NSMCE2: variants seen among roughly 807,000 people sequenced by gnomAD.
The protein encoded by NSMCE2 is NSE2 SUMO ligase component of SMC5/6 complex.
A neutral mutation model predicts 23.8 loss-of-function variants in NSMCE2; 24 were observed. That is an observed-to-expected ratio of 1.01 (90% CI 0.73 to 1.42). The LOEUF (loss-of-function observed/expected upper bound fraction) is 1.42, where lower values mean the gene tolerates loss of function less well. Ranked by LOEUF, NSMCE2 falls within the 40% of genes most tolerant of loss-of-function variation. The probability of loss-of-function intolerance (pLI) is 0.00; values close to 1 mark genes in which losing one functional copy is unlikely to be tolerated. For synonymous variants in NSMCE2, 92 were observed against 94.1 expected (o/e 0.98, Z 0.13); for missense variants, 284 against 296.5 (o/e 0.96, Z 0.31).
chr8:125,251,971 T>A (rs1463174831), intron 5 of NSMCE2, among the ~76,000 whole-genome samples: 1 of 152,200 alleles, frequency 6.6e-6, no homozygotes, highest in Non-Finnish European at 1.5e-5. Flanking sequence ...CTAAGAGATT[T>A]ACACAATATC....
chr8:125,349,284 A>AC (rs1251986626), intron 5 of NSMCE2, among the ~76,000 whole-genome samples: 1 of 152,116 alleles, frequency 6.6e-6, no homozygotes, highest in Non-Finnish European at 1.5e-5. Context: ...CATTAGCGTG[A>AC]CCCCCAAATT....
chr8:125,170,400 T>C (rs1485165833), intron 4 of NSMCE2, among the ~76,000 whole-genome samples: 3 of 110,074 alleles, frequency 2.7e-5, no homozygotes, highest in African/African-American at 1.1e-4. Context: ...TTTTTTTTTT[T>C]TTTTTTTTTT....
intron 3 of NSMCE2, among the ~76,000 whole-genome samples, chr8:125,115,488 C>T (rs143560396): frequency 6.6e-6 from 1 of 152,332 alleles, no homozygotes; most frequent in East Asian, 1.9e-4. Context: ...CAGTGGCTCA[C>T]GCCTGTAATC....
intron 5 of NSMCE2, among the ~76,000 whole-genome samples, chr8:125,238,669 C>T (rs1825652150): frequency 6.6e-6 from 1 of 151,938 alleles, no homozygotes; most frequent in African/African-American, 2.4e-5. Flanking sequence ...GGGAATTTAC[C>T]CACAATAGTT....
At chr8:125,187,809 T>G (rs1486437656) in intron 5 of NSMCE2, among the ~76,000 whole-genome samples, 1 of 152,188 alleles carries the variant, frequency 6.6e-6, no homozygotes, top group Non-Finnish European at 1.5e-5. Context: ...AAATTTTAAG[T>G]GTTAATTTAA....
At chr8:125,174,095 T>C (rs1822355744) in intron 4 of NSMCE2, among the ~76,000 whole-genome samples, 1 of 152,206 alleles carries the variant, frequency 6.6e-6, no homozygotes, top group Non-Finnish European at 1.5e-5. Flanking sequence ...TGTGAAATGG[T>C]ATCCTGTATA....
intron 4 of NSMCE2, among the ~76,000 whole-genome samples, chr8:125,153,169 A>T (rs1356583192): frequency 6.6e-6 from 1 of 151,852 alleles, no homozygotes; most frequent in Non-Finnish European, 1.5e-5. Context: ...TTCAGTAGTT[A>T]ACAACATTTC....
chr8:125,308,515 T>A (rs1828847302), intron 5 of NSMCE2, among the ~76,000 whole-genome samples: 1 of 152,184 alleles, frequency 6.6e-6, no homozygotes, highest in South Asian at 2.1e-4. Flanking sequence ...CCATCTGGCC[T>A]CGTCCTTAGT....
intron 5 of NSMCE2, among the ~76,000 whole-genome samples, chr8:125,222,239 T>A (rs1401512116): frequency 6.6e-6 from 1 of 151,058 alleles, no homozygotes; most frequent in African/African-American, 2.5e-5. Flanking sequence ...TTTTTTAAAA[T>A]TTTTTAATTG....
intron 5 of NSMCE2, among the ~76,000 whole-genome samples, chr8:125,318,490 G>T (rs1829297806): frequency 6.6e-6 from 1 of 152,158 alleles, no homozygotes; most frequent in Non-Finnish European, 1.5e-5. Flanking sequence ...TATATATGGG[G>T]AAGTAGCCAC....
intron 1 of NSMCE2, among the ~76,000 whole-genome samples, chr8:125,100,224 G>T (rs959937445): frequency 6.6e-6 from 1 of 152,124 alleles, no homozygotes; most frequent in African/African-American, 2.4e-5. Flanking sequence ...AGTGTTGGAA[G>T]TTTCTAGTGA....
chr8:125,166,472 G>C (rs761000928), intron 4 of NSMCE2, among the ~76,000 whole-genome samples: 16 of 152,132 alleles, frequency 1.1e-4, no homozygotes, highest in Non-Finnish European at 1.0e-4. Flanking sequence ...TCATCATGTT[G>C]ACCAGGCTGG....
chr8:125,275,675 C>T (rs1328000613), intron 5 of NSMCE2, among the ~76,000 whole-genome samples: 2 of 152,140 alleles, frequency 1.3e-5, no homozygotes, highest in African/African-American at 2.4e-5. Flanking sequence ...AAAGAGGAAA[C>T]GAAGTACTAT....
chr8:125,305,360 G>C (rs958760758), intron 5 of NSMCE2, among the ~76,000 whole-genome samples: 15 of 152,148 alleles, frequency 9.9e-5, no homozygotes, highest in Non-Finnish European at 1.5e-5. Flanking sequence ...CCTAGGATCT[G>C]AACATGGATT....
intron 5 of NSMCE2, among the ~76,000 whole-genome samples, chr8:125,188,509 A>G (rs931648418): frequency 6.6e-6 from 1 of 152,224 alleles, no homozygotes; most frequent in African/African-American, 2.4e-5. Flanking sequence ...CCAGATCTTC[A>G]GGTTGTTTTA....
intron 5 of NSMCE2, among the ~76,000 whole-genome samples, chr8:125,324,468 C>CAAAA (rs71295840): frequency 9.4e-6 from 1 of 106,512 alleles, no homozygotes; most frequent in African/African-American, 4.4e-5. Context: ...TACTACTCAG[C>CAAAA]AAAAAAAAAA....
At chr8:125,145,950 C>T (rs1820651132) in intron 3 of NSMCE2, among the ~76,000 whole-genome samples, 1 of 152,160 alleles carries the variant, frequency 6.6e-6, no homozygotes, top group African/African-American at 2.4e-5. Flanking sequence ...TTCAGATTAG[C>T]TTTGCTGATG....
At chr8:125,175,813 A>C (rs917846667) in intron 4 of NSMCE2, among the ~76,000 whole-genome samples, 1 of 152,238 alleles carries the variant, frequency 6.6e-6, no homozygotes, top group Non-Finnish European at 1.5e-5. Flanking sequence ...GTTTGAAAGA[A>C]ATGAGTTATA....
chr8:125,247,850 G>A (rs12675943), intron 5 of NSMCE2, among the ~76,000 whole-genome samples: 15,488 of 152,148 alleles, frequency 0.1, 1,007 homozygotes, highest in East Asian at 0.17. Flanking sequence ...ACTAAGACAA[G>A]TTGTAATATT....
Sources: allele counts gnomAD v4.1 joint callset (sites outside exome capture counted in the v4.1 genomes callset), GRCh38; gene constraint gnomAD v4.1.1; transcripts MANE v1.5; gene names NCBI Gene and HGNC (gene_info 2026-07-23, HGNC 2026-07-21).